RAD51B: variants seen among roughly 807,000 people sequenced by gnomAD.
The protein encoded by RAD51B is RAD51 paralog B, also known as DNA repair protein RAD51 homolog 2.
Under a neutral mutation model 42.2 loss-of-function variants are expected in RAD51B, and 38 were observed. That is an observed-to-expected ratio of 0.90 (90% CI 0.70 to 1.18). The LOEUF is 1.18. RAD51B is among the 50% of genes most tolerant of loss of function. The probability of loss-of-function intolerance (pLI) is 0.00; values close to 1 mark genes in which losing one functional copy is unlikely to be tolerated. For missense variants in RAD51B, 373 were observed against 400.7 expected (o/e 0.93, Z 0.59); for synonymous variants, 154 against 145.2 (o/e 1.06, Z -0.43).
chr14:68,541,895 G>C, intron 10 of RAD51B: 1 of 933,768 alleles, frequency 1.1e-6, no homozygotes, highest in Non-Finnish European at 1.3e-6. Flanking sequence ...GATCCCCATT[G>C]GTCCTCTATT....
intron 8 of RAD51B, among the ~76,000 whole-genome samples, chr14:68,403,944 A>G (rs1257218515): frequency 6.6e-6 from 1 of 152,200 alleles, no homozygotes; most frequent in African/African-American, 2.4e-5. Context: ...GGCCAGAATT[A>G]TTATTCACAT....
intron 10 of RAD51B, among the ~76,000 whole-genome samples, chr14:68,570,889 ACACACACATG>A (rs758906764): frequency 9.4e-5 from 13 of 137,954 alleles, no homozygotes; most frequent in East Asian, 5.5e-4. Context: ...ACACACACAC[ACACACACATG>A]CACACACACA....
intron 10 of RAD51B, among the ~76,000 whole-genome samples, chr14:68,487,355 A>G (rs1883708951): frequency 6.6e-6 from 1 of 152,094 alleles, no homozygotes; most frequent in Non-Finnish European, 1.5e-5. Context: ...TAGAACTAGT[A>G]TCTTCTTGCT....
At chr14:68,359,615 A>G (rs1315452622) in intron 8 of RAD51B, among the ~76,000 whole-genome samples, 1 of 152,096 alleles carries the variant, frequency 6.6e-6, no homozygotes, top group Non-Finnish European at 1.5e-5. Context: ...TATGGCCGTT[A>G]CCTCTCTCAG....
At chr14:68,273,065 A>G (rs2081151698) in intron 7 of RAD51B, among the ~76,000 whole-genome samples, 1 of 152,070 alleles carries the variant, frequency 6.6e-6, no homozygotes, top group Non-Finnish European at 1.5e-5. Context: ...CAACTGTTGA[A>G]GAATATCTTT....
chr14:68,658,555 CA>C (rs1321242284), intron 11 of RAD51B, among the ~76,000 whole-genome samples: 1 of 152,206 alleles, frequency 6.6e-6, no homozygotes, highest in African/African-American at 2.4e-5. Flanking sequence ...CAAGTGTAAT[CA>C]CTCAGCCCTA....
At chr14:68,309,402 A>T (rs1227059838) in intron 8 of RAD51B, among the ~76,000 whole-genome samples, 2 of 152,180 alleles carry the variant, frequency 1.3e-5, no homozygotes, top group African/African-American at 4.8e-5. Flanking sequence ...CACCATCACG[A>T]CTCAAGGATC....
chr14:68,659,314 C>T (rs765745072), intron 11 of RAD51B, among the ~76,000 whole-genome samples: 3 of 152,214 alleles, frequency 2.0e-5, no homozygotes, highest in Admixed American at 1.3e-4. Flanking sequence ...GAGGGAGTCA[C>T]GCTGGGGAAG....
chr14:68,385,055 A>G (rs1248464742), intron 8 of RAD51B, among the ~76,000 whole-genome samples: 2 of 152,088 alleles, frequency 1.3e-5, no homozygotes, highest in East Asian at 1.9e-4. Context: ...AAGTTACTCA[A>G]TTGCCATCTG....
intron 10 of RAD51B, among the ~76,000 whole-genome samples, chr14:68,632,119 C>A (rs146524308): frequency 6.6e-6 from 1 of 152,188 alleles, no homozygotes; most frequent in Non-Finnish European, 1.5e-5. Flanking sequence ...GAAACTCTTT[C>A]TTTCTTCTCC....
chr14:68,625,373 T>C (rs1046505512), intron 10 of RAD51B, among the ~76,000 whole-genome samples: 8 of 152,316 alleles, frequency 5.3e-5, no homozygotes, highest in African/African-American at 1.9e-4. Context: ...ATAATGTTTA[T>C]TGGCAGAATG....
intron 8 of RAD51B, among the ~76,000 whole-genome samples, chr14:68,370,905 C>T (rs1395728783): frequency 6.6e-6 from 1 of 151,416 alleles, no homozygotes; most frequent in African/African-American, 2.4e-5. Context: ...GACGTGGTGG[C>T]ACACACCTGT....
At chr14:68,341,680 C>G (rs1166543766) in intron 8 of RAD51B, among the ~76,000 whole-genome samples, 1 of 152,264 alleles carries the variant, frequency 6.6e-6, no homozygotes, top group Non-Finnish European at 1.5e-5. Context: ...AGTCTCTGGT[C>G]TGTATCACTT....
downstream of RAD51B, chr14:68,478,097 A>G (rs1882863300): frequency 1.9e-6 from 2 of 1,049,422 alleles, no homozygotes; most frequent in East Asian, 1.1e-4. Context: ...TACCAGATAA[A>G]AAGAGTAGGT....
At chr14:68,451,906 A>C (rs1389460800) in intron 9 of RAD51B, among the ~76,000 whole-genome samples, 1 of 152,216 alleles carries the variant, frequency 6.6e-6, no homozygotes, top group Admixed American at 6.5e-5. Context: ...GTGTGGTCCA[A>C]GCATGATGTA....
intron 7 of RAD51B, among the ~76,000 whole-genome samples, chr14:68,072,070 A>AATTATATATAATTATATATATTT (rs2076754027): frequency 1.1e-4 from 11 of 104,692 alleles, no homozygotes; most frequent in African/African-American, 4.5e-4. Flanking sequence ...TATTTATATA[A>AATTATATATAATTATATATATTT]ATATATAAAT....
At chr14:68,603,305 C>A (rs954158729) in intron 10 of RAD51B, among the ~76,000 whole-genome samples, 2 of 152,168 alleles carry the variant, frequency 1.3e-5, no homozygotes, top group South Asian at 4.1e-4. Context: ...AGTGCCAAAT[C>A]TGCTTCCACT....
intron 3 of RAD51B, among the ~76,000 whole-genome samples, chr14:67,829,812 C>T (rs1181094490): frequency 6.6e-6 from 1 of 152,122 alleles, no homozygotes; most frequent in Admixed American, 6.5e-5. Context: ...GGAAGCCAGA[C>T]ATTAAAATAT....
chr14:67,917,883 C>T (rs766600042), intron 7 of RAD51B, among the ~76,000 whole-genome samples: 7 of 151,910 alleles, frequency 4.6e-5, no homozygotes, highest in Non-Finnish European at 8.8e-5. Flanking sequence ...TGACATCTAC[C>T]AATGGGTTGG....
Sources: allele counts gnomAD v4.1 joint callset (sites outside exome capture counted in the v4.1 genomes callset), GRCh38; gene constraint gnomAD v4.1.1; transcripts MANE v1.5; gene names NCBI Gene and HGNC (gene_info 2026-07-23, HGNC 2026-07-21).